Variants in DHPS observed in about 807,000 individuals in gnomAD.
The protein encoded by DHPS is deoxyhypusine synthase.
Under a neutral mutation model 38.7 loss-of-function variants are expected in DHPS, and 24 were observed. That is an observed-to-expected ratio of 0.62 (90% CI 0.45 to 0.87). The LOEUF (loss-of-function observed/expected upper bound fraction) is 0.87. Ranked by LOEUF, DHPS falls within the 40% of genes least tolerant of loss-of-function variation. DHPS has a pLI of 0.00. For missense variants in DHPS, 510 were observed against 497.6 expected, an observed-to-expected ratio of 1.02 and a Z score of -0.24; for synonymous variants, 250 against 204.4, an observed-to-expected ratio of 1.22 and a Z score of -1.90.
intron 5 of DHPS, among the ~76,000 whole-genome samples, chr19:12,678,229 G>A (rs1445380486): frequency 6.6e-6 from 1 of 150,538 alleles, no homozygotes; most frequent in Non-Finnish European, 1.5e-5. Flanking sequence ...TTGGACTCTG[G>A]CCTGGGTAAC....
At chr19:12,674,161 G>A (rs1208747306), downstream of DHPS, among the ~76,000 whole-genome samples, 2 of 152,218 alleles carry the variant, frequency 1.3e-5, no homozygotes, top group East Asian at 3.9e-4. Context: ...ATGCCAGGCC[G>A]AGCAACTGGC....
At chr19:12,678,258 CAA>C (rs200039394) in intron 5 of DHPS, among the ~76,000 whole-genome samples, 6 of 114,390 alleles carry the variant, frequency 5.2e-5, no homozygotes, top group Admixed American at 9.1e-5. Context: ...AACTCCGTCT[CAA>C]AAAAAAAAAA....
Position 12,675,799 on chromosome 19 carries a change from A to T in DHPS, c.*39T>A. ...AGGGGCTGGGTCTGCAAATTAATAA[A>T]TAGAAGAGGGGGTAAGACCTTCCTG... is the stretch of plus-strand genomic sequence containing the variant. On this transcript the variant is annotated 3_prime_UTR_variant, in exon 9 of 9. Coordinates refer to ENST00000210060, the MANE Select transcript of DHPS (RefSeq NM_001930.4). 1 of 1,569,996 alleles carries T rather than the reference A, an allele frequency of 6.4e-7. No individual in the cohort carries two copies. Among genetic ancestry groups the T allele is most frequent in the Non-Finnish European group, 8.7e-7 (1 of 1,155,688 alleles).
chr19:12,681,569 G>A lies in DHPS; in HGVS notation c.198C>T (p.Val66=), dbSNP rs1310481227. The change falls in exon 1 of 9, where the codon GTC becomes GTT. Residue 66 remains valine, a synonymous_variant. Coordinates refer to ENST00000210060, the MANE Select transcript of DHPS (RefSeq NM_001930.4). ...ATNFGRAVQQ[V]NAMIEKKLEP... is the part of the protein sequence containing the mutation. ...TCCGCCCGGTCCTCACCATGGCATT[G>A]ACTTGCTGTACAGCGCGCCCGAAGT... The A allele has an allele frequency of 6.2e-7, 1 of 1,614,250 alleles. No homozygotes were observed. Among genetic ancestry groups the A allele is most frequent in the South Asian group, 1.1e-5 (1 of 91,082 alleles).
downstream of DHPS, among the ~76,000 whole-genome samples, chr19:12,675,355 G>A (rs548849841): frequency 6.3e-4 from 96 of 152,334 alleles, no homozygotes; most frequent in East Asian, 1.7e-3. Context: ...TCAGTCTGAG[G>A]TAGATTAATT....
At chr19:12,676,979 C>T (rs1278520931) in intron 7 of DHPS, 129 bp downstream of exon 7, 6 of 797,826 alleles carry the variant, frequency 7.5e-6, no homozygotes, top group Non-Finnish European at 1.2e-5. Context: ...TGCTATCTCC[C>T]CTACTAGAAC....
Position 12,677,140 on chromosome 19 carries a change from C to A in DHPS, c.856G>T (p.Val286Phe). The A allele has an allele frequency of 6.2e-7, 1 of 1,614,218 alleles. No homozygotes were observed. Among genetic ancestry groups the A allele is most frequent in the Non-Finnish European group, 8.5e-7 (1 of 1,180,042 alleles). ...TGMIILGGGV[V>F]KHHIANANLM... is the part of the protein sequence containing the mutation. ...TTGGCATTGGCAATGTGGTGCTTGA[C>A]CACGCCCCCGCCCAGAATGATCATC... The change falls in exon 7 of 9, where the codon GTC becomes TTC. Residue 286 changes from valine to phenylalanine, a missense_variant. Val to Phe is a conservative substitution (Grantham distance 50, BLOSUM62 -1). Transcript: ENST00000210060.
downstream of DHPS, chr19:12,672,621 GA>G: frequency 1.8e-6 from 1 of 569,782 alleles, no homozygotes; most frequent in Non-Finnish European, 3.2e-6. Context: ...ACAAAAGGAA[GA>G]AAAGGGGGAA....
downstream of DHPS, among the ~76,000 whole-genome samples, chr19:12,675,056 G>A (rs1275852481): frequency 2.6e-5 from 4 of 151,722 alleles, no homozygotes; most frequent in African/African-American, 9.7e-5. Flanking sequence ...GGAGGTTGCA[G>A]TGAGCCCAGA....
At chr19:12,676,283 G>T in intron 7 of DHPS, 141 bp from the exon 8 acceptor site, 1 of 1,103,386 alleles carries the variant, frequency 9.1e-7, no homozygotes, top group South Asian at 1.7e-5. Context: ...CCCAGACAGG[G>T]CCCATGTCAA....
chr19:12,680,823 C>T (rs1472698262), intron 1 of DHPS, among the ~76,000 whole-genome samples: 1 of 147,246 alleles, frequency 6.8e-6, no homozygotes, highest in Non-Finnish European at 1.5e-5. Flanking sequence ...CATGAGCCAC[C>T]GTGCCCGGCC....
Position 12,681,872 on chromosome 19 carries a change from G to A in DHPS, c.-106C>T, listed in dbSNP as rs938704390. 36 of 997,262 alleles carry A rather than the reference G, an allele frequency of 3.6e-5. No individual in the cohort carries two copies. The highest frequency in any genetic ancestry group is 2.6e-4 in the South Asian group (18 of 68,046). 61.8% of individuals were successfully genotyped at this position (997,262 alleles called of 1,614,324 possible). A position where few individuals can be genotyped will look rare whatever the true frequency, so the allele number is the denominator to read the frequency against. ...GCGCGTCTCCGCAAGAGCACAGGAA[G>A]TAGGGAACGTGCTTTGGGCGAAAGA... On this transcript the variant is annotated 5_prime_UTR_variant, in exon 1 of 9. Transcript: ENST00000210060.
chr19:12,675,770 G>T lies in DHPS; in HGVS notation c.*68C>A. On this transcript the variant is annotated 3_prime_UTR_variant, in exon 9 of 9. Transcript: ENST00000210060. ...TAGAGACGTAGCTGACCAAAAAGTA[G>T]GGGAGGGGCTGGGTCTGCAAATTAA... 6.4e-7 allele frequency: 1 copy of T among 1,567,798 alleles called. No homozygotes were observed.
chr19:12,675,613 G>A (rs562420612), downstream of DHPS: 14 of 1,604,100 alleles, frequency 8.7e-6, no homozygotes, highest in South Asian at 7.7e-5. Context: ...GACCGCCATG[G>A]GAGGCAGCGT....
Position 12,679,616 on chromosome 19 carries a change from G to GC in DHPS, c.591+6dup, listed in dbSNP as rs1322359755. Reference sequence around the variant, plus strand: ...GAACTGGCCCCTCCAGGTTGCCCCAGCCCCACCTCTGTGTTCTGCTCCATC... The same window carrying GC: ...GAACTGGCCCCTCCAGGTTGCCCCAGCCCCCACCTCTGTGTTCTGCTCCATC... On this transcript the variant is annotated splice_region_variant and intron_variant, in intron 4 of 8. Coordinates refer to ENST00000210060, the MANE Select transcript of DHPS (RefSeq NM_001930.4). 3 of 1,614,020 alleles carry GC rather than the reference G, an allele frequency of 1.9e-6. No homozygotes were observed. The Admixed American group carries it at 5.0e-5, about 27-fold the overall frequency.
rs1256553284 is a variant in DHPS at position 12,676,001 on chromosome 19, C to A, written c.1014+16G>T. On this transcript the variant is annotated intron_variant, in intron 8 of 8. Coordinates refer to ENST00000210060, the MANE Select transcript of DHPS (RefSeq NM_001930.4). ...ATCGTCCCAGAGACCCTATGCCCCA[C>A]CCAGCCAGCGCTTACCTTGACGGGC... 2 of 1,611,704 alleles carry A rather than the reference C, an allele frequency of 1.2e-6. No individual in the cohort carries two copies. Among genetic ancestry groups the A allele is most frequent in the Non-Finnish European group, 1.7e-6 (2 of 1,178,520 alleles).
Position 12,681,555 on chromosome 19 carries a change from C to T in DHPS, c.207+5G>A, listed in dbSNP as rs1475135746. The T allele has an allele frequency of 6.2e-7, 1 of 1,614,228 alleles. No homozygotes were observed. The highest frequency in any genetic ancestry group is 1.1e-5 in the South Asian group (1 of 91,086). ...GCGTCCCTAGAAATTCCGCCCGGTCCTCACCATGGCATTGACTTGCTGTAC... is the reference window on the plus strand; with the variant it reads ...GCGTCCCTAGAAATTCCGCCCGGTCTTCACCATGGCATTGACTTGCTGTAC... On this transcript the variant is annotated splice_donor_5th_base_variant and intron_variant, in intron 1 of 8. Coordinates refer to ENST00000210060, the MANE Select transcript of DHPS (RefSeq NM_001930.4).
At chr19:12,672,933 G>A, downstream of DHPS, 1 of 1,598,174 alleles carries the variant, frequency 6.3e-7, no homozygotes, top group South Asian at 1.1e-5. Context: ...GGCTGGGGAT[G>A]TGGGACAGGC....
Position 12,675,730 on chromosome 19 carries a change from G to C in DHPS, c.*108C>G. The C allele has an allele frequency of 1.3e-6, 2 of 1,586,694 alleles. No individual in the cohort carries two copies. The highest frequency in any genetic ancestry group is 2.7e-5 in the African/African-American group (2 of 74,452). On this transcript the variant is annotated 3_prime_UTR_variant, in exon 9 of 9. Coordinates refer to ENST00000210060, the MANE Select transcript of DHPS (RefSeq NM_001930.4). ...GAGACACAGACATGGAAGGACTTCA[G>C]ATACCATCTTATTCTAGAGACGTAG...
Sources: allele counts gnomAD v4.1 joint callset (sites outside exome capture counted in the v4.1 genomes callset), GRCh38; gene constraint gnomAD v4.1.1; transcripts MANE v1.5; gene names NCBI Gene and HGNC (gene_info 2026-07-23, HGNC 2026-07-21).